FABP6: variants seen among roughly 807,000 people sequenced by gnomAD.
The protein encoded by FABP6 is fatty acid binding protein 6, also known as gastrotropin.
Under a neutral mutation model 14.9 loss-of-function variants are expected in FABP6, and 13 were observed. The observed-to-expected ratio is 0.87, with a 90% CI of 0.57 to 1.39. FABP6 has a LOEUF of 1.39. Among genes scored for constraint, FABP6 ranks in the 40% most tolerant of loss-of-function variants. The probability of loss-of-function intolerance (pLI) is 0.00; values close to 1 mark genes in which losing one functional copy is unlikely to be tolerated. For synonymous variants in FABP6, 75 were observed against 63.6 expected (o/e 1.18, Z -0.85); for missense variants, 161 against 167.2 (o/e 0.96, Z 0.20).
intron 3 of FABP6, among the ~76,000 whole-genome samples, chr5:160,236,017 T>G (rs1009929652): frequency 8.6e-6 from 1 of 116,064 alleles, no homozygotes; most frequent in South Asian, 2.6e-4. Context: ...CTCATGTCTG[T>G]TTTTTTTTTT....
At chr5:160,238,228 G>T (rs561798553) in intron 3 of FABP6, among the ~76,000 whole-genome samples, 1 of 152,204 alleles carries the variant, frequency 6.6e-6, no homozygotes, top group Non-Finnish European at 1.5e-5. Context: ...CAGCCATGGC[G>T]TGTGGCCTTG....
upstream of FABP6, among the ~76,000 whole-genome samples, chr5:160,227,397 A>G: frequency 6.6e-6 from 1 of 151,862 alleles, no homozygotes; most frequent in Admixed American, 6.6e-5. Context: ...TGTGGTGGCA[A>G]GCACCTGTAG....
chr5:160,216,307 A>C, intron 3 of FABP6, among the ~76,000 whole-genome samples: 1 of 149,684 alleles, frequency 6.7e-6, no homozygotes, highest in East Asian at 2.0e-4. Flanking sequence ...TCACTCTGTC[A>C]CCCAGGCTGG....
At chr5:160,193,615 A>G (rs2080952) in intron 1 of FABP6, among the ~76,000 whole-genome samples, 133,834 of 151,494 alleles carry the variant, frequency 0.88, 59,261 homozygotes, top group Non-Finnish European at 0.92. Flanking sequence ...AGTTAGATAC[A>G]GAGTATCCAC....
intron 2 of FABP6, among the ~76,000 whole-genome samples, chr5:160,205,317 CAAAAAAAA>C (rs1163175404): frequency 1.5e-5 from 1 of 67,080 alleles, no homozygotes; most frequent in East Asian, 5.2e-4. Flanking sequence ...GACTTCATCT[CAAAAAAAA>C]AAAAAAAAAA....
rs1371335211 is a variant in FABP6 at position 160,229,573 on chromosome 5, A to C, written c.16A>C (p.Lys6Gln). 1.9e-6 allele frequency: 3 copies of C among 1,613,862 alleles called. No individual in the cohort carries two copies. The highest frequency in any genetic ancestry group is 1.1e-5 in the South Asian group (1 of 91,066). ...TCCCAGCAGCATGGCTTTCACCGGC[A>C]AGTTCGAGATGGAGAGTGAGAAGAA... MAFTGKFEMESEKNYD... is the reference protein window; with the variant it reads MAFTGQFEMESEKNYD... The change falls in exon 1 of 4, where the codon AAG becomes CAG. Residue 6 changes from lysine (K) to glutamine (Q), a missense_variant. Lys to Gln is a moderately conservative substitution (Grantham distance 53). Coordinates refer to ENST00000402432, the MANE Select transcript of FABP6 (RefSeq NM_001445.3).
intron 1 of FABP6, among the ~76,000 whole-genome samples, chr5:160,195,455 G>GTC (rs529090742): frequency 3.3e-5 from 5 of 151,816 alleles, no homozygotes; most frequent in South Asian, 2.1e-4. Flanking sequence ...CTTTTTTTCT[G>GTC]TCTCTCTCTC....
At chr5:160,192,346 C>T (rs1056429921) in intron 1 of FABP6, among the ~76,000 whole-genome samples, 3 of 151,836 alleles carry the variant, frequency 2.0e-5, no homozygotes, top group Non-Finnish European at 4.4e-5. Context: ...TTATCCCTCA[C>T]CCTGTGTTCT....
intron 3 of FABP6, among the ~76,000 whole-genome samples, chr5:160,214,148 T>C (rs10605034): frequency 2.5e-5 from 3 of 120,968 alleles, no homozygotes; most frequent in South Asian, 2.6e-4. Context: ...TCTTTCTTTC[T>C]TTCTTTCTTT....
intron 1 of FABP6, among the ~76,000 whole-genome samples, chr5:160,231,787 C>G (rs535284657): frequency 6.6e-6 from 1 of 152,158 alleles, no homozygotes; most frequent in Non-Finnish European, 1.5e-5. Flanking sequence ...TATTGATGAG[C>G]ACCCACCATG....
intron 1 of FABP6, chr5:160,199,028 T>G: frequency 6.7e-7 from 1 of 1,486,582 alleles, no homozygotes; most frequent in Non-Finnish European, 9.4e-7. Context: ...CCCAGCGTGC[T>G]GGCTTTTTGT....
chr5:160,209,039 G>A (rs1759829362), intron 2 of FABP6, among the ~76,000 whole-genome samples: 1 of 150,806 alleles, frequency 6.6e-6, no homozygotes, highest in South Asian at 2.1e-4. Context: ...GCCTCCCAGA[G>A]TACTGCGATT....
intron 3 of FABP6, among the ~76,000 whole-genome samples, chr5:160,217,309 G>A (rs1266473162): frequency 6.6e-6 from 1 of 152,058 alleles, no homozygotes; most frequent in African/African-American, 2.4e-5. Context: ...CTGAGATGGA[G>A]GAAAAAAATT....
At chr5:160,194,237 G>A (rs1286319858) in intron 1 of FABP6, among the ~76,000 whole-genome samples, 1 of 152,236 alleles carries the variant, frequency 6.6e-6, no homozygotes, top group Non-Finnish European at 1.5e-5. Context: ...CAGCTGGCCC[G>A]CAAGCGCCGC....
intron 1 of FABP6, among the ~76,000 whole-genome samples, chr5:160,190,977 G>A (rs563717781): frequency 7.3e-5 from 11 of 150,528 alleles, no homozygotes; most frequent in East Asian, 5.9e-4. Context: ...ATTAGCCAGC[G>A]TGGTGTACTC....
chr5:160,228,226 T>A (rs60634726), upstream of FABP6, among the ~76,000 whole-genome samples: 31,104 of 151,778 alleles, frequency 0.2, 4,102 homozygotes, highest in East Asian at 0.37. Flanking sequence ...ACCCCGTCTC[T>A]ACTAAAAATA....
At position 160,234,888 on chromosome 5, in the gene FABP6, C is replaced by G; in HGVS notation, c.312C>G (p.Ile104Met). ...CCAACTATCACCAGACCTCAGAGAT[C>G]GTGGGTGACAAGCTGGTGGAGGTGA... ...NFPNYHQTSE[I>M]VGDKLVEVST... is the part of the protein sequence containing the mutation. The change falls in exon 3 of 4, where the codon ATC (isoleucine) becomes ATG (methionine). Residue 104 changes from isoleucine (I) to methionine (M), a missense_variant. Transcript: ENST00000402432. 1.2e-6 allele frequency: 2 copies of G among 1,611,290 alleles called. No individual in the cohort carries two copies. The highest frequency in any genetic ancestry group is 1.7e-6 in the Non-Finnish European group (2 of 1,178,518).
intron 1 of FABP6, 110 bp downstream of exon 1, chr5:160,229,734 C>A: frequency 1.1e-6 from 1 of 917,492 alleles, no homozygotes; most frequent in Non-Finnish European, 1.7e-6. Flanking sequence ...CATTCACTCA[C>A]TCACTCATTC....
Position 160,232,126 on chromosome 5 carries a change from C to G in FABP6, c.96C>G (p.Ala32=). The part of the protein sequence containing the change: ...LGISSDVIEK[A]RNFKIVTEVQ... ...TCTCCAGCGATGTAATCGAAAAGGC[C>G]CGCAACTTCAAGATCGTCACGGAGG... The change falls in exon 2 of 4, where the codon GCC becomes GCG. Residue 32 remains alanine (A), a synonymous_variant. Transcript: ENST00000402432. 6.2e-7 allele frequency: 1 copy of G among 1,614,036 alleles called. No individual in the cohort carries two copies.
Sources: allele counts gnomAD v4.1 joint callset (sites outside exome capture counted in the v4.1 genomes callset), GRCh38; gene constraint gnomAD v4.1.1; transcripts MANE v1.5; gene names NCBI Gene and HGNC (gene_info 2026-07-23, HGNC 2026-07-21).